Variants in KANK1 observed in about 807,000 individuals in gnomAD.
The protein encoded by KANK1 is KN motif and ankyrin repeat domain-containing protein 1.
A neutral mutation model predicts 106.2 loss-of-function variants in KANK1; 109 were observed. The ratio of observed to expected loss-of-function variants is 1.03; its 90% confidence interval spans 0.88 to 1.20. The LOEUF (loss-of-function observed/expected upper bound fraction) is 1.20. KANK1 is among the 50% of genes most tolerant of loss of function. KANK1 has a pLI of 0.00. For missense variants in KANK1, 2,399 were observed against 1,710.7 expected (o/e 1.40, Z -7.10); for synonymous variants, 873 against 652.2 (o/e 1.34, Z -5.16).
intron 1 of KANK1, among the ~76,000 whole-genome samples, chr9:569,292 A>T (rs117976563): frequency 6.3e-4 from 96 of 152,212 alleles, no homozygotes; most frequent in South Asian, 1.5e-3. Context: ...TCCCATGTGA[A>T]TCTCATGTTG....
chr9:503,737 CT>C (rs2058612622), upstream of KANK1, among the ~76,000 whole-genome samples: 1 of 152,172 alleles, frequency 6.6e-6, no homozygotes, highest in African/African-American at 2.4e-5. Context: ...CCAAGCTCCT[CT>C]TCTGTTTGTT....
rs376399978 is a variant in KANK1 at position 592,299 on chromosome 9, C to G, written c.-83-84591C>G. Among the ~76,000 whole-genome samples, 17 of 151,988 alleles carry G rather than the reference C, an allele frequency of 1.1e-4. No homozygotes were observed. In the East Asian group the frequency reaches 2.1e-3, roughly 19 times the overall value. On this transcript the variant is annotated intron_variant, in intron 1 of 11. Transcript: ENST00000382297. ...GCCTCAGAACCTGGCCTTTAATCAT[C>G]TGTGCGCAGGACTGCTCTTTCCCAG...
At chr9:519,921 A>G (rs929530987) in intron 1 of KANK1, among the ~76,000 whole-genome samples, 5 of 151,914 alleles carry the variant, frequency 3.3e-5, no homozygotes, top group African/African-American at 1.2e-4. Flanking sequence ...AGCTTTAAAA[A>G]TGAAGTGGTT....
intron 1 of KANK1, among the ~76,000 whole-genome samples, chr9:558,140 A>C (rs188209807): frequency 6.6e-5 from 10 of 152,302 alleles, no homozygotes; most frequent in Admixed American, 6.5e-4. Flanking sequence ...TGAAAAGGCT[A>C]GAGGAAAATT....
At chr9:541,637 A>C (rs1402110084) in intron 1 of KANK1, among the ~76,000 whole-genome samples, 1 of 152,248 alleles carries the variant, frequency 6.6e-6, no homozygotes, top group Admixed American at 6.5e-5. Flanking sequence ...AAACTAAAAA[A>C]AAAATTCTGC....
intron 2 of KANK1, among the ~76,000 whole-genome samples, chr9:696,649 T>A (rs778759330): frequency 6.6e-6 from 1 of 152,210 alleles, no homozygotes; most frequent in South Asian, 2.1e-4. Flanking sequence ...AGGTGCTGGA[T>A]TGGGGCTAAA....
intron 2 of KANK1, among the ~76,000 whole-genome samples, chr9:471,858 C>T (rs2058027580): frequency 6.6e-6 from 1 of 152,166 alleles, no homozygotes; most frequent in Non-Finnish European, 1.5e-5. Flanking sequence ...TTCTCCTGTA[C>T]TGCCATGGTA....
intron 1 of KANK1, among the ~76,000 whole-genome samples, chr9:650,692 A>G (rs1429637549): frequency 6.6e-6 from 1 of 152,108 alleles, no homozygotes; most frequent in Non-Finnish European, 1.5e-5. Flanking sequence ...TTAGGGTGAG[A>G]GGGACCACCC....
At chr9:502,951 T>C (rs1444587934), upstream of KANK1, among the ~76,000 whole-genome samples, 1 of 151,446 alleles carries the variant, frequency 6.6e-6, no homozygotes, top group South Asian at 2.1e-4. Flanking sequence ...CCTCCTACCT[T>C]AGCCTCCAGA....
chr9:521,081 CT>C (rs1380180734), intron 1 of KANK1, among the ~76,000 whole-genome samples: 2 of 151,734 alleles, frequency 1.3e-5, no homozygotes, highest in Non-Finnish European at 2.9e-5. Context: ...AACTGATGAA[CT>C]GTTGCTGATG....
intron 1 of KANK1, among the ~76,000 whole-genome samples, chr9:655,340 C>T (rs567111735): frequency 2.1e-4 from 31 of 147,666 alleles, no homozygotes; most frequent in African/African-American, 7.6e-4. Flanking sequence ...CATTGCACTC[C>T]AGCCTGGGAA....
At chr9:670,007 G>A (rs537618829) in intron 1 of KANK1, among the ~76,000 whole-genome samples, 2 of 152,138 alleles carry the variant, frequency 1.3e-5, no homozygotes, top group Admixed American at 6.5e-5. Context: ...GATGCATTCT[G>A]CTGTTGAGAG....
intron 1 of KANK1, among the ~76,000 whole-genome samples, chr9:519,686 A>T (rs2059458129): frequency 6.6e-6 from 1 of 151,744 alleles, no homozygotes; most frequent in Non-Finnish European, 1.5e-5. Context: ...AGTTAAGTTT[A>T]TAACCTCGAT....
chr9:700,421 T>C (rs1822372512), intron 2 of KANK1, among the ~76,000 whole-genome samples: 1 of 152,204 alleles, frequency 6.6e-6, no homozygotes, highest in East Asian at 1.9e-4. Flanking sequence ...GCTGTTGTAC[T>C]TCGCTGTCTT....
chr9:745,109 C>A, intron 11 of KANK1, 64 bp from the exon 12 acceptor site: 1 of 1,587,384 alleles, frequency 6.3e-7, no homozygotes, highest in Non-Finnish European at 8.6e-7. Context: ...TCCTATGTCA[C>A]AGGGTACACA....
chr9:641,812 T>G (rs973693138), intron 1 of KANK1, among the ~76,000 whole-genome samples: 13 of 152,232 alleles, frequency 8.5e-5, no homozygotes, highest in Admixed American at 4.6e-4. Flanking sequence ...TTTTAAGGAC[T>G]ACTTTATTAA....
intron 1 of KANK1, among the ~76,000 whole-genome samples, chr9:562,042 CTTT>C (rs34419752): frequency 6.7e-5 from 7 of 104,926 alleles, no homozygotes; most frequent in African/African-American, 1.4e-4. Flanking sequence ...ATTGCATTTT[CTTT>C]TTTTTTTTTT....
At chr9:685,294 G>A (rs1021738028) in intron 2 of KANK1, among the ~76,000 whole-genome samples, 22 of 152,132 alleles carry the variant, frequency 1.4e-4, no homozygotes, top group African/African-American at 3.9e-4. Flanking sequence ...AAATAAGTAC[G>A]CTGCTATTTT....
In KANK1 at chr9:516,691, G is replaced by T. The variant is rs191385045; in HGVS notation, c.-84+11937G>T. Among the ~76,000 whole-genome samples the T allele has an allele frequency of 9.4e-4, 142 of 151,706 alleles. 1 individual carries two copies. Among genetic ancestry groups the T allele is most frequent in the Non-Finnish European group, 3.7e-4 (25 of 68,022 alleles). On this transcript the variant is annotated intron_variant, in intron 1 of 11. Coordinates refer to ENST00000382297, the MANE Select transcript of KANK1 (RefSeq NM_015158.5). ...AAGGCCTTTTATGATGGGCCCAGGT[G>T]GGAGGGGAGTTACTAGGTTATACTT...
Sources: allele counts gnomAD v4.1 joint callset (sites outside exome capture counted in the v4.1 genomes callset), GRCh38; gene constraint gnomAD v4.1.1; transcripts MANE v1.5; gene names NCBI Gene and HGNC (gene_info 2026-07-23, HGNC 2026-07-21).